The following GNA11 variants were observed in gnomAD, a reference collection of about 807,000 sequenced individuals.
The protein encoded by GNA11 is G protein subunit alpha 11, also known as guanine nucleotide-binding protein subunit alpha-11.
In GNA11, 8 loss-of-function variants were observed where a neutral mutation model predicts 38.2. The observed-to-expected ratio is 0.21, with a 90% CI of 0.12 to 0.38. The LOEUF is 0.38. GNA11 is among the 10% of genes least tolerant of loss of function. The pLI is 1.00. For missense variants in GNA11, 268 were observed against 516.3 expected (o/e 0.52, Z 4.66); for synonymous variants, 211 against 221.4 (o/e 0.95, Z 0.42).
chr19:3,104,607 A>G (rs1408282835), intron 1 of GNA11, among the ~76,000 whole-genome samples: 4 of 152,192 alleles, frequency 2.6e-5, no homozygotes, highest in South Asian at 4.1e-4. Context: ...GGGGGACCCA[A>G]TGGGGACATG....
intron 4 of GNA11, chr19:3,118,076 C>T (rs1020113138): frequency 3.3e-5 from 5 of 152,204 alleles, no homozygotes; most frequent in African/African-American, 9.7e-5. Context: ...CTGCTGGACT[C>T]CCCCGCAGAC....
chr19:3,112,076 A>G (rs1291171844), intron 2 of GNA11, among the ~76,000 whole-genome samples: 1 of 150,736 alleles, frequency 6.6e-6, no homozygotes, highest in African/African-American at 2.5e-5. Context: ...CATGTTGCCC[A>G]TGGTGCTTCA....
At chr19:3,106,520 C>T (rs1430583589) in intron 1 of GNA11, among the ~76,000 whole-genome samples, 1 of 152,242 alleles carries the variant, frequency 6.6e-6, no homozygotes, top group Non-Finnish European at 1.5e-5. Flanking sequence ...CCACCTGGGC[C>T]TGGCTTGGCT....
chr19:3,119,331 C>T lies in GNA11; in HGVS notation c.861C>T (p.His287=), dbSNP rs1161554882. The T allele has an allele frequency of 1.2e-6, 2 of 1,613,866 alleles. No individual in the cohort carries two copies. Among genetic ancestry groups the T allele is most frequent in the East Asian group, 2.2e-5 (1 of 44,876 alleles). The part of the protein sequence containing the change: ...DLLEDKILYS[H]LVDYFPEFDG... Reference sequence around the variant, plus strand: ...TGGAGGACAAGATCCTGTACTCGCACCTGGTGGACTACTTCCCCGAGTTCG... The same window carrying T: ...TGGAGGACAAGATCCTGTACTCGCATCTGGTGGACTACTTCCCCGAGTTCG... The change falls in exon 6 of 7, where the codon CAC becomes CAT. Residue 287 remains histidine (H), a synonymous_variant. Transcript: ENST00000078429. The surrounding 1 kb of genome is among the most constrained non-coding windows in gnomAD (Gnocchi z 4.6).
chr19:3,114,126 G>C (rs909573133), intron 3 of GNA11, among the ~76,000 whole-genome samples: 3 of 152,082 alleles, frequency 2.0e-5, no homozygotes, highest in Admixed American at 6.5e-5. Flanking sequence ...CCTGTCCCCC[G>C]CCCCTCCTGC....
chr19:3,121,996 G>A lies in GNA11; in HGVS notation c.*817G>A, dbSNP rs907955878. The A allele has an allele frequency of 3.4e-5, 8 of 233,188 alleles. No individual in the cohort carries two copies. The highest frequency in any genetic ancestry group is 5.6e-5 in the Admixed American group (1 of 17,778). The allele number at this position is 233,188 out of a possible 1,614,324, so 14.4% of individuals were successfully genotyped here. ...GGGGGCTTCTCTGGGCTGTGCCTCC[G>A]GGGCCAACACTGGCTGCTTGGGGCT... On this transcript the variant is annotated 3_prime_UTR_variant, in exon 7 of 7. Transcript: ENST00000078429.
rs1469749814 is a variant in GNA11, at chr19:3,121,377, A to G, written c.*198A>G. 7.1e-6 allele frequency: 3 copies of G among 424,050 alleles called. No homozygotes were observed. Among genetic ancestry groups the G allele is most frequent in the Non-Finnish European group, 1.2e-5 (3 of 240,828 alleles). 26.3% of individuals were successfully genotyped at this position (424,050 alleles called of 1,614,324 possible). A position where few individuals can be genotyped will look rare whatever the true frequency, so the allele number is the denominator to read the frequency against. ...GGGATGTACATCTCTCCCTCCGTACACTTCGCGCACCTTCTCACCTTTTGT... is the reference window on the plus strand; with the variant it reads ...GGGATGTACATCTCTCCCTCCGTACGCTTCGCGCACCTTCTCACCTTTTGT... On this transcript the variant is annotated 3_prime_UTR_variant, in exon 7 of 7. Transcript: ENST00000078429.
At chr19:3,103,320 C>G (rs551552951) in intron 1 of GNA11, among the ~76,000 whole-genome samples, 1 of 151,706 alleles carries the variant, frequency 6.6e-6, no homozygotes, top group African/African-American at 2.4e-5. Context: ...TCAAGTGATT[C>G]TCCTGCCTCA....
rs56122562 is a variant in GNA11 at position 3,110,786 on chromosome 19, T to TTTTTG, written c.321+479_321+483dup. 0.3 allele frequency among the ~76,000 whole-genome samples: 45,478 copies of TTTTTG among 150,550 alleles called. 7,502 individuals are homozygous for TTTTTG. The highest frequency in any genetic ancestry group is 0.36 in the Middle Eastern group (105 of 288). ...GTACTTCTCACCTTCTCACACTGTT[T>TTTTTG]TTTTGTTTTGTTTTGTTTTGTTTTG... is the stretch of plus-strand genomic sequence containing the variant. On this transcript the variant is annotated intron_variant, in intron 2 of 6. Transcript: ENST00000078429. This position sits in a 1 kb window ranked among gnomAD's most constrained non-coding sequence, Gnocchi z 5.4.
chr19:3,094,818 G>T lies in GNA11; in HGVS notation c.136+31G>T. On this transcript the variant is annotated intron_variant, in intron 1 of 6. Transcript: ENST00000078429. This position sits in a 1 kb window ranked among gnomAD's most constrained non-coding sequence, Gnocchi z 6.0. ...TGCGGCCCCCGGGCCTGCCGGCTGC[G>T]GGCCCTGCCCTGCCTGTGCCTGCCC... The T allele has an allele frequency of 6.7e-7, 1 of 1,500,590 alleles. No individual in the cohort carries two copies. The allele number at this position is 1,500,590 out of a possible 1,614,324, so 93.0% of individuals were successfully genotyped here.
intron 1 of GNA11, among the ~76,000 whole-genome samples, chr19:3,102,615 C>G (rs994706646): frequency 4.6e-5 from 7 of 152,222 alleles, no homozygotes; most frequent in African/African-American, 1.7e-4. Flanking sequence ...AGGGAGGCAG[C>G]TTGTCCTCTC....
In GNA11 at chr19:3,119,058, G is replaced by T. The variant is rs1174171467; in HGVS notation, c.735+5G>T. The T allele has an allele frequency of 6.2e-7, 1 of 1,613,306 alleles. No individual in the cohort carries two copies. The highest frequency in any genetic ancestry group is 8.5e-7 in the Non-Finnish European group (1 of 1,179,676). On this transcript the variant is annotated splice_donor_5th_base_variant and intron_variant, in intron 5 of 6. Coordinates refer to ENST00000078429, the MANE Select transcript of GNA11 (RefSeq NM_002067.5). This position sits in a 1 kb window ranked among gnomAD's most constrained non-coding sequence, Gnocchi z 4.6. ...CTGGTGGAGTCGGACAACGAGGTGG[G>T]CCCTGCCCTGAGCAGGGGCAGCGTT...
At chr19:3,098,566 G>T (rs1194719776) in intron 1 of GNA11, among the ~76,000 whole-genome samples, 1 of 152,254 alleles carries the variant, frequency 6.6e-6, no homozygotes, top group African/African-American at 2.4e-5. Flanking sequence ...GAGCCGGAGT[G>T]GCTCCAGGCT....
chr19:3,123,121 C>T lies in GNA11; in HGVS notation c.*1942C>T, dbSNP rs544053083. 5 of 233,106 alleles carry T rather than the reference C, an allele frequency of 2.1e-5. No homozygotes were observed. The South Asian group carries it at 9.0e-4, about 42-fold the overall frequency. The allele number at this position is 233,106 out of a possible 1,614,324, so 14.4% of individuals were successfully genotyped here. ...CTGGCAGGGCCGCTACAACCTTTTC[C>T]AGCAGCGGAGCCCTCTGGGGGGCCT... is the stretch of plus-strand genomic sequence containing the variant. On this transcript the variant is annotated 3_prime_UTR_variant, in exon 7 of 7. Coordinates refer to ENST00000078429, the MANE Select transcript of GNA11 (RefSeq NM_002067.5).
At chr19:3,105,534 C>T (rs1188698231) in intron 1 of GNA11, among the ~76,000 whole-genome samples, 1 of 152,116 alleles carries the variant, frequency 6.6e-6, no homozygotes, top group East Asian at 1.9e-4. Context: ...GGGATCCCTC[C>T]TGGAACCATC....
Position 3,122,418 on chromosome 19 carries a change from TGGCCAC to T in GNA11, c.*1241_*1246del. Reference sequence around the variant, plus strand: ...GGCCTGGGCAGCTTCCAGGCCTGGCTGGCCACGACCACGGCCCGAGGGGGAGCCCGC... The same window carrying T: ...GGCCTGGGCAGCTTCCAGGCCTGGCTGACCACGGCCCGAGGGGGAGCCCGC... On this transcript the variant is annotated 3_prime_UTR_variant, in exon 7 of 7. Transcript: ENST00000078429. The surrounding 1 kb of genome is among the most constrained non-coding windows in gnomAD (Gnocchi z 7.7). 1 of 231,156 alleles carries T rather than the reference TGGCCAC, an allele frequency of 4.3e-6. No homozygotes were observed. The highest frequency in any genetic ancestry group is 8.6e-6 in the Non-Finnish European group (1 of 116,730). 14.3% of individuals were successfully genotyped at this position (231,156 alleles called of 1,614,324 possible). A position where few individuals can be genotyped will look rare whatever the true frequency, so the allele number is the denominator to read the frequency against.
chr19:3,106,515 T>C (rs1913643225), intron 1 of GNA11, among the ~76,000 whole-genome samples: 2 of 152,172 alleles, frequency 1.3e-5, no homozygotes, highest in African/African-American at 2.4e-5. Context: ...CGGGGCCACC[T>C]GGGCCTGGCT....
intron 4 of GNA11, among the ~76,000 whole-genome samples, chr19:3,116,420 C>G (rs1028920407): frequency 6.6e-6 from 1 of 152,170 alleles, no homozygotes; most frequent in African/African-American, 2.4e-5. Flanking sequence ...GGGATCTGCC[C>G]AGGCCTCACT....
chr19:3,115,204 G>C (rs1224956309), intron 4 of GNA11, 132 bp downstream of exon 4: 1 of 1,026,518 alleles, frequency 9.7e-7, no homozygotes, highest in East Asian at 2.5e-5. Context: ...AGGAGTTTGA[G>C]ACCACCCTGG....
Sources: allele counts gnomAD v4.1 joint callset (sites outside exome capture counted in the v4.1 genomes callset), GRCh38; gene constraint gnomAD v4.1.1; non-coding constraint Gnocchi (gnomAD v3.1); transcripts MANE v1.5; gene names NCBI Gene and HGNC (gene_info 2026-07-23, HGNC 2026-07-21).